The following SGCD variants were observed in gnomAD, a reference collection of about 807,000 sequenced individuals.
The protein encoded by SGCD is delta-sarcoglycan.
Under a neutral mutation model 36.6 loss-of-function variants are expected in SGCD, and 18 were observed. That is an observed-to-expected ratio of 0.49 (90% CI 0.34 to 0.73). SGCD has a LOEUF of 0.73. Ranked by LOEUF, SGCD falls within the 30% of genes least tolerant of loss-of-function variation. The pLI is 0.01. For missense variants in SGCD, 387 were observed against 346.7 expected (o/e 1.12, Z -0.92); for synonymous variants, 133 against 130.6 (o/e 1.02, Z -0.12).
intron 3 of SGCD, among the ~76,000 whole-genome samples, chr5:156,436,643 C>T (rs1352754776): frequency 6.6e-6 from 1 of 152,202 alleles, no homozygotes; most frequent in Non-Finnish European, 1.5e-5. Flanking sequence ...TCAGAATCCA[C>T]ATTTCCGTGT....
intron 7 of SGCD, among the ~76,000 whole-genome samples, chr5:156,710,690 C>G (rs1179000396): frequency 2.0e-5 from 3 of 152,140 alleles, no homozygotes; most frequent in South Asian, 2.1e-4. Flanking sequence ...ATCTAAAGAT[C>G]TGGAGTCAAT....
chr5:155,998,385 GA>G (rs1758598486), intron 1 of SGCD, among the ~76,000 whole-genome samples: 5 of 152,142 alleles, frequency 3.3e-5, no homozygotes, highest in African/African-American at 1.2e-4. Context: ...AGGAACTTAG[GA>G]AAAGGCAACT....
the SGCD span, among the ~76,000 whole-genome samples, chr5:155,729,453 G>C: frequency 6.6e-6 from 1 of 152,250 alleles, no homozygotes; most frequent in Non-Finnish European, 1.5e-5. Flanking sequence ...AAGAGACAGA[G>C]AGACATGGGT....
intron 1 of SGCD, among the ~76,000 whole-genome samples, chr5:156,068,267 C>T (rs1488025013): frequency 1.3e-5 from 2 of 151,586 alleles, no homozygotes; most frequent in East Asian, 1.9e-4. Context: ...AGCTATCCCT[C>T]CCCCCTTTCC....
chr5:156,345,460 G>A lies in SGCD; in HGVS notation c.192+783G>A, dbSNP rs1188967846. 2.0e-5 allele frequency among the ~76,000 whole-genome samples: 3 copies of A among 152,190 alleles called. No individual in the cohort carries two copies. The East Asian group carries it at 5.8e-4, about 29-fold the overall frequency. On this transcript the variant is annotated intron_variant, in intron 3 of 8. Transcript: ENST00000337851. The stretch of plus-strand genomic sequence containing the variant: ...CTCATTAATGAGGAAATACTGGGCA[G>A]CAGTCTGCTGTATTGAGCATAATTT...
intron 3 of SGCD, among the ~76,000 whole-genome samples, chr5:156,139,676 C>T (rs1326569238): frequency 6.6e-6 from 1 of 152,104 alleles, no homozygotes; most frequent in African/African-American, 2.4e-5. Flanking sequence ...TCCTCTATGT[C>T]CTAACCACAG....
chr5:156,440,917 T>C (rs1019401949), intron 3 of SGCD, among the ~76,000 whole-genome samples: 1 of 152,162 alleles, frequency 6.6e-6, no homozygotes, highest in Admixed American at 6.6e-5. Context: ...CTTTATACTT[T>C]CTTGGTGATA....
At chr5:156,397,194 G>A (rs1771902784) in intron 3 of SGCD, among the ~76,000 whole-genome samples, 1 of 152,132 alleles carries the variant, frequency 6.6e-6, no homozygotes, top group African/African-American at 2.4e-5. Context: ...AAGGAGGAGG[G>A]AGAGAATGAA....
At chr5:156,032,582 G>A (rs532545418) in intron 1 of SGCD, among the ~76,000 whole-genome samples, 14 of 151,626 alleles carry the variant, frequency 9.2e-5, no homozygotes, top group African/African-American at 2.7e-4. Context: ...GCTGGGCGTG[G>A]TGGCAGGCGC....
At chr5:155,968,612 A>G (rs10066451) in intron 1 of SGCD, among the ~76,000 whole-genome samples, 64,037 of 151,970 alleles carry the variant, frequency 0.42, 14,305 homozygotes, top group African/African-American at 0.57. Flanking sequence ...AAGTATGTAC[A>G]TATAAGAAAA....
chr5:155,854,135 T>C, the SGCD span, among the ~76,000 whole-genome samples: 1 of 152,310 alleles, frequency 6.6e-6, no homozygotes, highest in South Asian at 2.1e-4. Flanking sequence ...TAACATAGAC[T>C]GTAAATTAGG....
chr5:156,579,576 C>T (rs1425715538), intron 4 of SGCD, among the ~76,000 whole-genome samples: 2 of 152,140 alleles, frequency 1.3e-5, no homozygotes, highest in Admixed American at 1.3e-4. Context: ...TAAGGACTTG[C>T]TTTATGAATC....
intron 7 of SGCD, among the ~76,000 whole-genome samples, chr5:156,653,508 T>TTTTTTTTTTTTTTTTTGC (rs1763553425): frequency 7.1e-6 from 1 of 141,358 alleles, no homozygotes; most frequent in African/African-American, 2.7e-5. Flanking sequence ...TTTTTTTTTT[T>TTTTTTTTTTTTTTTTTGC]GCCCCTGTTG....
the SGCD span, among the ~76,000 whole-genome samples, chr5:155,833,064 A>G: frequency 7.5e-6 from 1 of 133,620 alleles, no homozygotes; most frequent in African/African-American, 2.7e-5. Flanking sequence ...GAAAAAAAAA[A>G]AAAAAAAGAA....
chr5:156,014,044 G>A (rs1383622096), intron 1 of SGCD, among the ~76,000 whole-genome samples: 3 of 151,212 alleles, frequency 2.0e-5, no homozygotes, highest in Admixed American at 2.0e-4. Flanking sequence ...GCATTTTGCT[G>A]GATCAATCTT....
Position 156,100,833 on chromosome 5 carries a change from G to C in SGCD, c.-281-17045G>C, listed in dbSNP as rs369669091. Among the ~76,000 whole-genome samples the C allele has an allele frequency of 4.6e-5, 7 of 152,286 alleles. No homozygotes were observed. The South Asian group carries it at 1.5e-3, about 32-fold the overall frequency. ...TGTATACACTAGCAGTTAAGGCAAA[G>C]ACTAGCATGATCTACCTACCGTACC... On this transcript the variant is annotated intron_variant, in intron 1 of 9. Transcript: ENST00000517913.
At chr5:155,806,952 A>G in the SGCD span, among the ~76,000 whole-genome samples, 2 of 152,222 alleles carry the variant, frequency 1.3e-5, no homozygotes, top group South Asian at 4.1e-4. Context: ...CTTCTAGGGC[A>G]TATACTATGT....
rs1280053760 is a variant in SGCD, at chr5:156,759,448, C to A, written c.*58C>A. 5.7e-6 allele frequency: 7 copies of A among 1,237,438 alleles called. No homozygotes were observed. The East Asian group carries it at 9.4e-5, about 17-fold the overall frequency. 76.7% of individuals were successfully genotyped at this position (1,237,438 alleles called of 1,614,324 possible). ...TAAAGGCCTTTTTTGGCTTTAGACACTGGCTGCCAGCTATTTTTACTAGAA... is the reference window on the plus strand; with the variant it reads ...TAAAGGCCTTTTTTGGCTTTAGACAATGGCTGCCAGCTATTTTTACTAGAA... On this transcript the variant is annotated 3_prime_UTR_variant, in exon 9 of 9. Transcript: ENST00000337851.
intron 1 of SGCD, among the ~76,000 whole-genome samples, chr5:155,907,503 A>C (rs188864625): frequency 1.3e-5 from 2 of 152,274 alleles, no homozygotes; most frequent in Admixed American, 1.3e-4. Flanking sequence ...AGGTGGTCAA[A>C]ATAGCAATGT....
Sources: allele counts gnomAD v4.1 joint callset (sites outside exome capture counted in the v4.1 genomes callset), GRCh38; gene constraint gnomAD v4.1.1; transcripts MANE v1.5; gene names NCBI Gene and HGNC (gene_info 2026-07-23, HGNC 2026-07-21).